Variants in MGST1 observed in about 807,000 individuals in gnomAD.
The protein encoded by MGST1 is microsomal glutathione S-transferase 1, also known as glutathione S-transferase 12.
Under a neutral mutation model 8.9 loss-of-function variants are expected in MGST1, and 5 were observed. That is an observed-to-expected ratio of 0.56 (90% CI 0.29 to 1.19). The LOEUF (loss-of-function observed/expected upper bound fraction) is 1.19. MGST1 is among the 50% of genes most tolerant of loss of function. The pLI, the probability that MGST1 is intolerant of heterozygous loss-of-function variation, is 0.08. For synonymous variants in MGST1, 54 were observed against 67.8 expected (o/e 0.80, Z 1.00); for missense variants, 182 against 187.4 (o/e 0.97, Z 0.17).
In MGST1 at chr12:16,361,001, A is replaced by C. The variant is rs1939966775; in HGVS notation, c.222-2794A>C. Among the ~76,000 whole-genome samples the C allele has an allele frequency of 6.7e-6, 1 of 148,412 alleles. No individual in the cohort carries two copies. On this transcript the variant is annotated intron_variant, in intron 3 of 3. Coordinates refer to ENST00000396210, the MANE Select transcript of MGST1 (RefSeq NM_020300.5). This position sits in a 1 kb window ranked among gnomAD's most constrained non-coding sequence, Gnocchi z 4.2. ...GTGTTCCCCCCCTCCCCGCCCCCAA[A>C]AGACCCACATGCATATAGGAATGGG...
At chr12:16,419,484 GA>G (rs1194813196) in intron 1 of MGST1, among the ~76,000 whole-genome samples, 2 of 151,968 alleles carry the variant, frequency 1.3e-5, no homozygotes, top group Non-Finnish European at 2.9e-5. Context: ...CAGAAAAAAG[GA>G]AAAAATCTCG....
intron 4 of MGST1, among the ~76,000 whole-genome samples, chr12:16,526,487 T>A (rs1019992207): frequency 6.6e-6 from 1 of 151,966 alleles, no homozygotes; most frequent in African/African-American, 2.4e-5. Flanking sequence ...TCAAACTGCA[T>A]GAGAAATTTC....
intron 4 of MGST1, among the ~76,000 whole-genome samples, chr12:16,570,464 AAAAT>A (rs1472587166): frequency 6.6e-6 from 1 of 152,164 alleles, no homozygotes; most frequent in Non-Finnish European, 1.5e-5. Context: ...ACAGAAAAGA[AAAAT>A]AAAGAAAATG....
intron 4 of MGST1, among the ~76,000 whole-genome samples, chr12:16,453,717 G>T (rs892790387): frequency 3.3e-5 from 5 of 151,820 alleles, no homozygotes; most frequent in African/African-American, 1.2e-4. Flanking sequence ...CTAGTGGTTT[G>T]CCAACAATCT....
At chr12:16,446,521 G>T (rs2193139) in intron 4 of MGST1, among the ~76,000 whole-genome samples, 22,104 of 151,730 alleles carry the variant, frequency 0.15, 1,999 homozygotes, top group East Asian at 0.44. Context: ...TGTATTTAGA[G>T]ATGCTGTATT....
chr12:16,560,126 C>T lies in MGST1; in HGVS notation n.483-29402C>T, dbSNP rs1032048312. Among the ~76,000 whole-genome samples, 1 of 152,036 alleles carries T rather than the reference C, an allele frequency of 6.6e-6. No homozygotes were observed. Among genetic ancestry groups the T allele is most frequent in the African/African-American group, 2.4e-5 (1 of 41,402 alleles). ...ATATTTAAAACTACTTTTAAAAAGA[C>T]AGGAAAATAATAAAAGAAGGAATGA... On this transcript the variant is annotated intron_variant and non_coding_transcript_variant, in intron 4 of 4. Coordinates refer to the MGST1 transcript ENST00000538857. The surrounding 1 kb of genome is among the most constrained non-coding windows in gnomAD (Gnocchi z 5.0).
At chr12:16,428,173 TC>T (rs897829612) in intron 1 of MGST1, among the ~76,000 whole-genome samples, 45 of 152,088 alleles carry the variant, frequency 3.0e-4, no homozygotes, top group African/African-American at 9.4e-4. Context: ...CATAGCTTTT[TC>T]CAAACATTTT....
rs539365391 is a variant in MGST1, at chr12:16,552,252, A to AT, written n.483-37273dup. ...TCTGTATATATATTTAATTGTAACA[A>AT]TTTAACCTTCAAATAGTGGTGTCTG... On this transcript the variant is annotated intron_variant and non_coding_transcript_variant, in intron 4 of 4. Coordinates refer to the MGST1 transcript ENST00000538857. Among the ~76,000 whole-genome samples the AT allele has an allele frequency of 7.2e-5, 11 of 152,170 alleles. No homozygotes were observed. In the South Asian group the frequency reaches 2.3e-3, roughly 31 times the overall value.
At chr12:16,465,149 G>A (rs1248221080) in intron 4 of MGST1, among the ~76,000 whole-genome samples, 7 of 152,198 alleles carry the variant, frequency 4.6e-5, no homozygotes, top group Non-Finnish European at 1.0e-4. Context: ...AGGGGTGGTG[G>A]TATGGTTTGT....
chr12:16,552,586 T>C (rs1942030670), intron 4 of MGST1, among the ~76,000 whole-genome samples: 1 of 151,952 alleles, frequency 6.6e-6, no homozygotes, highest in Admixed American at 6.6e-5. Flanking sequence ...GAGAGGAAAA[T>C]AGTGTAATAA....
chr12:16,401,748 A>G lies in MGST1; in HGVS notation n.778+18144A>G. The stretch of plus-strand genomic sequence containing the variant: ...CCCAGCAAGGTATTTTTTCTCTTCA[A>G]CGGCCTTTTCCACAGACTCAGCCAG... On this transcript the variant is annotated intron_variant and non_coding_transcript_variant, in intron 1 of 1. Coordinates refer to the MGST1 transcript ENST00000359720. This position sits in a 1 kb window ranked among gnomAD's most constrained non-coding sequence, Gnocchi z 4.3. The G allele has an allele frequency of 4.4e-6, 7 of 1,600,186 alleles. No individual in the cohort carries two copies. The highest frequency in any genetic ancestry group is 6.0e-6 in the Non-Finnish European group (7 of 1,167,338).
At chr12:16,565,876 G>A (rs1198852405) in intron 4 of MGST1, among the ~76,000 whole-genome samples, 2 of 150,162 alleles carry the variant, frequency 1.3e-5, no homozygotes, top group Non-Finnish European at 3.0e-5. Flanking sequence ...TCAGTATGTT[G>A]AAGAGATATC....
rs1365488304 is a variant in MGST1 at position 16,400,910 on chromosome 12, G to A, written n.778+17306G>A. ...TTTATAGGACACATTAGATTTGTGAGCTTTCTGAATCTCCTGTTCTCCCTT... is the reference window on the plus strand; with the variant it reads ...TTTATAGGACACATTAGATTTGTGAACTTTCTGAATCTCCTGTTCTCCCTT... On this transcript the variant is annotated intron_variant and non_coding_transcript_variant, in intron 1 of 1. Coordinates refer to the MGST1 transcript ENST00000359720. The A allele has an allele frequency of 6.4e-6, 8 of 1,249,926 alleles. No homozygotes were observed. The East Asian group carries it at 1.9e-4, about 29-fold the overall frequency. 77.4% of individuals were successfully genotyped at this position (1,249,926 alleles called of 1,614,324 possible). A position where few individuals can be genotyped will look rare whatever the true frequency, so the allele number is the denominator to read the frequency against.
chr12:16,407,930 G>A (rs909508809), intron 1 of MGST1, among the ~76,000 whole-genome samples: 1 of 150,730 alleles, frequency 6.6e-6, no homozygotes, highest in East Asian at 2.0e-4. Flanking sequence ...TATTCAGGAG[G>A]CTGAGACAGG....
chr12:16,385,692 CTT>C (rs11290450), intron 1 of MGST1, among the ~76,000 whole-genome samples: 72 of 138,396 alleles, frequency 5.2e-4, no homozygotes, highest in Admixed American at 1.9e-3. Context: ...AAAGGGCTTT[CTT>C]TTTTTTTTTT....
In MGST1 at chr12:16,399,137, T is replaced by C; in HGVS notation, n.778+15533T>C. 2 of 839,384 alleles carry C rather than the reference T, an allele frequency of 2.4e-6. 1 individual carries two copies. The highest frequency in any genetic ancestry group is 3.3e-5 in the South Asian group (2 of 60,244). 52.0% of individuals were successfully genotyped at this position (839,384 alleles called of 1,614,324 possible). A position where few individuals can be genotyped will look rare whatever the true frequency, so the allele number is the denominator to read the frequency against. On this transcript the variant is annotated intron_variant and non_coding_transcript_variant, in intron 1 of 1. Coordinates refer to the MGST1 transcript ENST00000359720. ...AATGCTCCGAGTAGATTGGTCCACA[T>C]AAATGGCCCCCGAAACCCATAAACA...
At position 16,559,672 on chromosome 12, in the gene MGST1, T is replaced by A. The variant is rs1241168580; in HGVS notation, n.483-29856T>A. Among the ~76,000 whole-genome samples the A allele has an allele frequency of 2.7e-5, 4 of 150,864 alleles. No homozygotes were observed. Among genetic ancestry groups the A allele is most frequent in the African/African-American group, 9.8e-5 (4 of 40,928 alleles). On this transcript the variant is annotated intron_variant and non_coding_transcript_variant, in intron 4 of 4. Transcript: ENST00000538857. The surrounding 1 kb of genome is among the most constrained non-coding windows in gnomAD (Gnocchi z 4.1). ...ATTTAAGGTAAACAGCTAGATTGGG[T>A]GGGGGTGGTGGCTCATGCCTATAAT...
intron 4 of MGST1, among the ~76,000 whole-genome samples, chr12:16,569,477 G>T (rs557917474): frequency 2.0e-5 from 3 of 152,156 alleles, no homozygotes; most frequent in Admixed American, 2.0e-4. Flanking sequence ...ACAAATAATT[G>T]TCAATTTCTT....
At position 16,401,041 on chromosome 12, in the gene MGST1, G is replaced by T. The variant is rs576759617; in HGVS notation, n.778+17437G>T. The T allele has an allele frequency of 1.5e-3, 2,412 of 1,590,710 alleles. 2 individuals carry two copies. The highest frequency in any genetic ancestry group is 2.0e-3 in the Non-Finnish European group (2,269 of 1,159,206). ...CAGTCATTTCATTCCTGTTCTTTCT[G>T]TAAGTAATGCTGCCCGAGAACCTCT... On this transcript the variant is annotated intron_variant and non_coding_transcript_variant, in intron 1 of 1. Coordinates refer to the MGST1 transcript ENST00000359720. This position sits in a 1 kb window ranked among gnomAD's most constrained non-coding sequence, Gnocchi z 4.3.
Sources: gnomAD v4.1 joint callset for allele counts (sites outside exome capture counted in the v4.1 genomes callset) on GRCh38, gnomAD v4.1.1 for gene constraint, Gnocchi (gnomAD v3.1) non-coding constraint, MANE v1.5 for transcripts, NCBI Gene and HGNC (gene_info 2026-07-23, HGNC 2026-07-21) for gene names.